The following DTNB variants were observed in gnomAD, a reference collection of about 807,000 sequenced individuals.
DTNB encodes the protein dystrobrevin beta.
A neutral mutation model predicts 90.7 loss-of-function variants in DTNB; 63 were observed. That is an observed-to-expected ratio of 0.69 (90% CI 0.57 to 0.86). The LOEUF is 0.86. Among genes scored for constraint, DTNB ranks in the 40% least tolerant of loss-of-function variants. The pLI, the probability that DTNB is intolerant of heterozygous loss-of-function variation, is 0.00. For synonymous variants in DTNB, 277 were observed against 286.7 expected, an observed-to-expected ratio of 0.97 and a Z score of 0.34; for missense variants, 744 against 807.1, an observed-to-expected ratio of 0.92 and a Z score of 0.95.
intron 8 of DTNB, among the ~76,000 whole-genome samples, chr2:25,541,402 A>C (rs1003125585): frequency 2.6e-5 from 4 of 152,118 alleles, no homozygotes; most frequent in Non-Finnish European, 5.9e-5. Context: ...GAATCACTTG[A>C]ACCCGGGAGA....
intron 19 of DTNB, chr2:25,383,564 G>A: frequency 3.5e-6 from 2 of 577,162 alleles, no homozygotes; most frequent in Non-Finnish European, 5.9e-6. Flanking sequence ...CAGTCAAAGG[G>A]TCATCTTTTG....
At chr2:25,434,932 A>C (rs1391412556) in intron 12 of DTNB, among the ~76,000 whole-genome samples, 2 of 152,140 alleles carry the variant, frequency 1.3e-5, no homozygotes, top group African/African-American at 4.8e-5. Context: ...CCATCCTAGT[A>C]GGTATCAAGT....
chr2:25,554,755 G>C (rs906347212), intron 8 of DTNB, among the ~76,000 whole-genome samples: 1 of 151,978 alleles, frequency 6.6e-6, no homozygotes, highest in African/African-American at 2.4e-5. Context: ...AAAGAATGCA[G>C]GTTAAAAAAG....
At chr2:25,565,222 T>C (rs888593021) in intron 8 of DTNB, among the ~76,000 whole-genome samples, 1 of 152,100 alleles carries the variant, frequency 6.6e-6, no homozygotes, top group African/African-American at 2.4e-5. Context: ...CACTATTAAG[T>C]ATGATGTTAA....
At chr2:25,584,573 T>TC (rs968947761) in intron 6 of DTNB, among the ~76,000 whole-genome samples, 1 of 152,146 alleles carries the variant, frequency 6.6e-6, no homozygotes, top group African/African-American at 2.4e-5. Flanking sequence ...TTTTTTTTTT[T>TC]TGAGACAGAG....
intron 8 of DTNB, among the ~76,000 whole-genome samples, chr2:25,568,298 T>G (rs2059340198): frequency 6.6e-6 from 1 of 152,064 alleles, no homozygotes; most frequent in Non-Finnish European, 1.5e-5. Flanking sequence ...CACTTAAAAA[T>G]GGTTAAGATG....
intron 16 of DTNB, among the ~76,000 whole-genome samples, chr2:25,408,345 C>A (rs1036449892): frequency 6.6e-6 from 1 of 150,892 alleles, no homozygotes; most frequent in Admixed American, 6.6e-5. Flanking sequence ...GCTTGGCCAA[C>A]ATAATGAAAT....
At chr2:25,414,248 G>GC (rs1553344928) in intron 16 of DTNB, among the ~76,000 whole-genome samples, 1 of 151,490 alleles carries the variant, frequency 6.6e-6, no homozygotes, top group Non-Finnish European at 1.5e-5. Context: ...TCTGATGGTA[G>GC]TTTTTTTTTG....
At position 25,387,464 on chromosome 2, in the gene DTNB, C is replaced by T. The variant is rs1032125832; in HGVS notation, c.1736-86G>A. 7 of 1,289,296 alleles carry T rather than the reference C, an allele frequency of 5.4e-6. No individual in the cohort carries two copies. In the African/African-American group the frequency reaches 1.0e-4, roughly 19 times the overall value. The allele number at this position is 1,289,296 out of a possible 1,614,324, so 79.9% of individuals were successfully genotyped here. A position where few individuals can be genotyped will look rare whatever the true frequency, so the allele number is the denominator to read the frequency against. ...GAGCAAATGCCTCAGTTCTGCCAGG[C>T]CCGAGAACACAGGTGTGGAACACCT... On this transcript the variant is annotated intron_variant, in intron 17 of 20. Transcript: ENST00000406818. This position sits in a 1 kb window ranked among gnomAD's most constrained non-coding sequence, Gnocchi z 4.5.
chr2:25,427,311 G>A (rs2052126095), intron 15 of DTNB, among the ~76,000 whole-genome samples: 2 of 151,900 alleles, frequency 1.3e-5, no homozygotes, highest in South Asian at 4.1e-4. Flanking sequence ...AAAAGCAACT[G>A]CTCGAGACAT....
intron 8 of DTNB, among the ~76,000 whole-genome samples, chr2:25,554,537 A>G (rs1331151008): frequency 6.6e-6 from 1 of 152,206 alleles, no homozygotes; most frequent in Admixed American, 6.5e-5. Flanking sequence ...CTGAAAATGC[A>G]CACTCCTCTC....
chr2:25,659,642 C>T (rs2148994586), intron 1 of DTNB, among the ~76,000 whole-genome samples: 1 of 152,144 alleles, frequency 6.6e-6, no homozygotes, highest in East Asian at 1.9e-4. Context: ...ATACATATAA[C>T]AACTCAGATA....
intron 4 of DTNB, among the ~76,000 whole-genome samples, chr2:25,626,182 G>C (rs1157178156): frequency 2.0e-5 from 3 of 152,142 alleles, no homozygotes; most frequent in Non-Finnish European, 2.9e-5. Context: ...TTTAATCTCT[G>C]CTTGACCATT....
chr2:25,552,422 T>C (rs1329416850), intron 8 of DTNB, among the ~76,000 whole-genome samples: 1 of 152,246 alleles, frequency 6.6e-6, no homozygotes, highest in Non-Finnish European at 1.5e-5. Context: ...AGCTCCTATA[T>C]ACTCTACACC....
intron 9 of DTNB, among the ~76,000 whole-genome samples, chr2:25,496,663 T>C (rs558593287): frequency 5.3e-5 from 8 of 152,002 alleles, no homozygotes; most frequent in Non-Finnish European, 1.0e-4. Context: ...GGCCAACATG[T>C]AAAGCCCTAT....
At chr2:25,650,110 G>T (rs2080537740) in intron 2 of DTNB, 5 of 985,320 alleles carry the variant, frequency 5.1e-6, no homozygotes, top group Non-Finnish European at 4.8e-6. Context: ...CATTCACAAA[G>T]AAGTAAACCC....
chr2:25,633,607 G>A lies in DTNB; in HGVS notation c.149-5223C>T, dbSNP rs1032286232. Among the ~76,000 whole-genome samples, 24 of 151,932 alleles carry A rather than the reference G, an allele frequency of 1.6e-4. 1 individual carries two copies. In the South Asian group the frequency reaches 4.4e-3, roughly 28 times the overall value. On this transcript the variant is annotated intron_variant, in intron 3 of 20. Coordinates refer to ENST00000406818, the MANE Select transcript of DTNB (RefSeq NM_021907.5). ...CCACCCCGTCTGGGAAGTGAGGAGC[G>A]TCTCTGCCTAGCCGCCCATCGTCTG...
chr2:25,505,185 A>C (rs879190849), intron 9 of DTNB, among the ~76,000 whole-genome samples: 2 of 151,640 alleles, frequency 1.3e-5, no homozygotes, highest in Admixed American at 1.3e-4. Context: ...CTATGAGCTC[A>C]CTCCACACCC....
rs145679793 is a variant in DTNB at position 25,538,792 on chromosome 2, T to C, written c.877-7195A>G. ...AAAAGTTATAAAACAAATACCTACC[T>C]ACCCACTATTCTGCCTGTGAAATAG... On this transcript the variant is annotated intron_variant, in intron 8 of 20. Transcript: ENST00000406818. Among the ~76,000 whole-genome samples, 229 of 152,202 alleles carry C rather than the reference T, an allele frequency of 1.5e-3. 1 individual carries two copies. The highest frequency in any genetic ancestry group is 5.3e-3 in the African/African-American group (221 of 41,536).
Sources: gnomAD v4.1 joint callset for allele counts (sites outside exome capture counted in the v4.1 genomes callset) on GRCh38, gnomAD v4.1.1 for gene constraint, Gnocchi (gnomAD v3.1) non-coding constraint, MANE v1.5 for transcripts, NCBI Gene and HGNC (gene_info 2026-07-23, HGNC 2026-07-21) for gene names.